RNF6: variants seen among roughly 807,000 people sequenced by gnomAD.
RNF6 encodes ring finger protein 6, also known as E3 ubiquitin-protein ligase RNF6.
A neutral mutation model predicts 50.1 loss-of-function variants in RNF6; 21 were observed. That is an observed-to-expected ratio of 0.42 (90% confidence interval 0.30 to 0.60). RNF6 has a LOEUF of 0.60. RNF6 is among the 20% of genes least tolerant of loss of function. The pLI is 0.20. For synonymous variants in RNF6, 255 were observed against 291.8 expected (o/e 0.87, Z 1.29); for missense variants, 698 against 838.2 (o/e 0.83, Z 2.07).
At chr13:26,187,416 G>C (rs1873608074) in intron 5 of RNF6, among the ~76,000 whole-genome samples, 1 of 152,192 alleles carries the variant, frequency 6.6e-6, no homozygotes, top group Non-Finnish European at 1.5e-5. Flanking sequence ...GCTCTGGTGT[G>C]CAAGAAAAAT....
At chr13:26,182,321 AT>A in intron 5 of RNF6, among the ~76,000 whole-genome samples, 1 of 152,066 alleles carries the variant, frequency 6.6e-6, no homozygotes, top group East Asian at 1.9e-4. Flanking sequence ...AATGTCCCTT[AT>A]TTAGGTTTGT....
chr13:26,138,767 A>G (rs1593140517), intron 5 of RNF6, among the ~76,000 whole-genome samples: 1 of 152,206 alleles, frequency 6.6e-6, no homozygotes, highest in East Asian at 1.9e-4. Context: ...AAGAAATAAC[A>G]AGGAATGAAA....
rs1873672758 is a variant in RNF6, at chr13:26,188,667, A to G, written n.768+26807T>C. 3.8e-5 allele frequency among the ~76,000 whole-genome samples: 4 copies of G among 105,052 alleles called. No individual in the cohort carries two copies. In the South Asian group the frequency reaches 9.5e-4, roughly 25 times the overall value. The allele number at this position is 105,052 out of a possible 152,430, so 68.9% of individuals were successfully genotyped here. On this transcript the variant is annotated intron_variant and non_coding_transcript_variant, in intron 5 of 5. Coordinates refer to the RNF6 transcript ENST00000468480. The stretch of plus-strand genomic sequence containing the variant: ...TTTTTTTTTTTTGAGATGAAGTCTC[A>G]CTCTGTTGCCAGGCTGGAGTGGCAT...
At chr13:26,135,666 G>A (rs1870610260) in intron 5 of RNF6, 1 of 152,128 alleles carries the variant, frequency 6.6e-6, no homozygotes, top group African/African-American at 2.4e-5. Context: ...TGGTAAATAT[G>A]AAATGTGACT....
chr13:26,176,860 G>A (rs1269982910), intron 5 of RNF6, among the ~76,000 whole-genome samples: 2 of 152,224 alleles, frequency 1.3e-5, no homozygotes, highest in Non-Finnish European at 2.9e-5. Flanking sequence ...CTTGAACCCA[G>A]GAGGCAGTGG....
At chr13:26,133,220 C>A (rs1870480359) in intron 5 of RNF6, among the ~76,000 whole-genome samples, 1 of 152,118 alleles carries the variant, frequency 6.6e-6, no homozygotes, top group African/African-American at 2.4e-5. Context: ...ATTCAAATTA[C>A]CTTTCCCCTA....
At chr13:26,148,628 C>T (rs569711901) in intron 5 of RNF6, among the ~76,000 whole-genome samples, 1 of 16,994 alleles carries the variant, frequency 5.9e-5, no homozygotes, top group East Asian at 1.9e-3. Flanking sequence ...TAGTATAAAT[C>T]TCTTTATATA....
At chr13:26,181,985 T>G (rs1873264900) in intron 5 of RNF6, among the ~76,000 whole-genome samples, 1 of 152,206 alleles carries the variant, frequency 6.6e-6, no homozygotes, top group Admixed American at 6.5e-5. Context: ...CAGCTAGCCT[T>G]CTTTAATCTG....
chr13:26,163,033 G>A lies in RNF6; in HGVS notation n.769-30582C>T, dbSNP rs147308131. 1.8e-4 allele frequency among the ~76,000 whole-genome samples: 27 copies of A among 152,108 alleles called. No individual in the cohort carries two copies. The South Asian group carries it at 4.8e-3, about 27-fold the overall frequency. On this transcript the variant is annotated intron_variant and non_coding_transcript_variant, in intron 5 of 5. Transcript: ENST00000468480. The stretch of plus-strand genomic sequence containing the variant: ...TTTCAACAATTACCAACTTGTGGCC[G>A]GGCGCGGTGGCTCATGCCTGTAATC...
chr13:26,186,227 A>G (rs1459795727), intron 5 of RNF6, among the ~76,000 whole-genome samples: 1 of 152,268 alleles, frequency 6.6e-6, no homozygotes, highest in Non-Finnish European at 1.5e-5. Context: ...AGATCTTAAA[A>G]AGAGAAGTGA....
chr13:26,171,465 A>C (rs1483720753), intron 5 of RNF6, among the ~76,000 whole-genome samples: 1 of 152,214 alleles, frequency 6.6e-6, no homozygotes, highest in Non-Finnish European at 1.5e-5. Context: ...AAAATAGTGC[A>C]GCTTCTGTGT....
chr13:26,173,606 C>T (rs1872806100), intron 5 of RNF6, among the ~76,000 whole-genome samples: 2 of 151,862 alleles, frequency 1.3e-5, no homozygotes, highest in Non-Finnish European at 2.9e-5. Flanking sequence ...CATATTAGTA[C>T]TTGCAGGGGT....
downstream of RNF6, among the ~76,000 whole-genome samples, chr13:26,207,941 T>C (rs1483087191): frequency 6.6e-6 from 1 of 152,158 alleles, no homozygotes; most frequent in Non-Finnish European, 1.5e-5. Context: ...AGGAAAAAGA[T>C]GATGAGAAGC....
rs547149201 is a variant in RNF6 at position 26,198,501 on chromosome 13, T to C, written n.768+16973A>G. On this transcript the variant is annotated intron_variant and non_coding_transcript_variant, in intron 5 of 5. Transcript: ENST00000468480. Reference sequence around the variant, plus strand: ...GCACTATGGCCCAGCCAAGTTGTCATATAAACTAACCATCACAGCATCTAT... The same window carrying C: ...GCACTATGGCCCAGCCAAGTTGTCACATAAACTAACCATCACAGCATCTAT... Among the ~76,000 whole-genome samples, 49 of 152,018 alleles carry C rather than the reference T, an allele frequency of 3.2e-4. 2 individuals carry two copies. Among genetic ancestry groups the C allele is most frequent in the African/African-American group, 1.1e-3 (44 of 41,334 alleles).
intron 5 of RNF6, among the ~76,000 whole-genome samples, chr13:26,172,604 C>A (rs979792813): frequency 1.3e-5 from 2 of 151,044 alleles, no homozygotes; most frequent in Non-Finnish European, 2.9e-5. Flanking sequence ...AGTGCAGTGG[C>A]GCGATCTGGG....
chr13:26,194,688 G>T (rs1421865788), intron 5 of RNF6, among the ~76,000 whole-genome samples: 2 of 152,064 alleles, frequency 1.3e-5, no homozygotes, highest in African/African-American at 2.4e-5. Context: ...TGATCACAAG[G>T]TCCCACAATA....
chr13:26,167,884 T>C (rs1872524551), intron 5 of RNF6, among the ~76,000 whole-genome samples: 2 of 152,222 alleles, frequency 1.3e-5, no homozygotes, highest in Non-Finnish European at 2.9e-5. Context: ...AATAAGATCA[T>C]ATCCTTTGCA....
At chr13:26,135,888 T>C (rs1468187439) in intron 5 of RNF6, among the ~76,000 whole-genome samples, 1 of 152,152 alleles carries the variant, frequency 6.6e-6, no homozygotes, top group Non-Finnish European at 1.5e-5. Context: ...CCTCCCTCGC[T>C]CTCTTGCTTC....
chr13:26,166,757 C>G (rs1195806595), intron 5 of RNF6, among the ~76,000 whole-genome samples: 1 of 151,992 alleles, frequency 6.6e-6, no homozygotes, highest in Non-Finnish European at 1.5e-5. Context: ...CCATCTCTAC[C>G]AAATATACAA....
Sources: gnomAD v4.1 joint callset for allele counts (sites outside exome capture counted in the v4.1 genomes callset) on GRCh38, gnomAD v4.1.1 for gene constraint, MANE v1.5 for transcripts, NCBI Gene and HGNC (gene_info 2026-07-23, HGNC 2026-07-21) for gene names.